RBFOX1: variants seen among roughly 807,000 people sequenced by gnomAD.
The protein encoded by RBFOX1 is RNA binding protein fox-1 homolog 1.
RBFOX1 carries 8 observed loss-of-function variants against 57.7 expected under a neutral mutation model. The ratio of observed to expected loss-of-function variants is 0.14; its 90% CI spans 0.08 to 0.25. The LOEUF (loss-of-function observed/expected upper bound fraction) is 0.25. RBFOX1 is among the 10% of genes least tolerant of loss of function. The probability of loss-of-function intolerance (pLI) is 1.00; values close to 1 mark genes in which losing one functional copy is unlikely to be tolerated. For synonymous variants in RBFOX1, 326 were observed against 222.4 expected (o/e 1.47, Z -4.15); for missense variants, 611 against 548.5 (o/e 1.11, Z -1.14).
At position 6,701,135 on chromosome 16, in the gene RBFOX1, A is replaced by ACGTGTGTGTGTGTGTGTG. The variant is rs1555706825; in HGVS notation, c.-16+46485_-16+46486insCGTGTGTGTGTGTGTGTG. ...AGTTTATCAGTGTCTCTGTGTGTGT[A>ACGTGTGTGTGTGTGTGTG]TGTGTGTGTGTGTGTGTGTGTGTTT... On this transcript the variant is annotated intron_variant, in intron 3 of 15. Coordinates refer to ENST00000550418, the MANE Select transcript of RBFOX1 (RefSeq NM_018723.4). Among the ~76,000 whole-genome samples the ACGTGTGTGTGTGTGTGTG allele has an allele frequency of 5.4e-5, 8 of 149,216 alleles. No homozygotes were observed. In the East Asian group the frequency reaches 6.0e-4, roughly 11 times the overall value.
chr16:7,124,391 G>C (rs1323657573), intron 4 of RBFOX1, among the ~76,000 whole-genome samples: 1 of 152,164 alleles, frequency 6.6e-6, no homozygotes, highest in Non-Finnish European at 1.5e-5. Context: ...GCTAGCCCAG[G>C]TGACAGAATG....
chr16:6,707,564 G>A (rs1161272101), intron 3 of RBFOX1, among the ~76,000 whole-genome samples: 2 of 141,822 alleles, frequency 1.4e-5, no homozygotes, highest in Non-Finnish European at 3.0e-5. Context: ...GATTTCCTTA[G>A]AATCAACCCC....
chr16:7,002,758 G>A (rs1024295067), intron 3 of RBFOX1, among the ~76,000 whole-genome samples: 2 of 152,098 alleles, frequency 1.3e-5, no homozygotes, highest in Non-Finnish European at 1.5e-5. Flanking sequence ...GCACTAAGTG[G>A]CTTAAAATAC....
intron 4 of RBFOX1, among the ~76,000 whole-genome samples, chr16:5,948,229 G>T (rs1180876302): frequency 6.6e-6 from 1 of 152,134 alleles, no homozygotes; most frequent in Non-Finnish European, 1.5e-5. Context: ...TGACCGAGCT[G>T]GGCAGGTGGG....
At chr16:6,335,897 C>T (rs1415951577) in intron 2 of RBFOX1, among the ~76,000 whole-genome samples, 2 of 150,282 alleles carry the variant, frequency 1.3e-5, no homozygotes, top group African/African-American at 2.4e-5. Flanking sequence ...TCCATATGTC[C>T]ATCATTGTTC....
rs139547024 is a variant in RBFOX1, at chr16:6,486,218, C to T, written c.-63-168385C>T. ...CTTTTGTTTTGAGAATCCAGGTACA[C>T]ACTCCTCATTGTTGTCTTTGATTTG... On this transcript the variant is annotated intron_variant, in intron 2 of 15. Coordinates refer to ENST00000550418, the MANE Select transcript of RBFOX1 (RefSeq NM_018723.4). 4.3e-3 allele frequency among the ~76,000 whole-genome samples: 652 copies of T among 150,850 alleles called. 4 individuals carry two copies. Among genetic ancestry groups the T allele is most frequent in the African/African-American group, 0.015 (614 of 41,088 alleles).
chr16:6,966,907 C>CCATG (rs2084360830), intron 3 of RBFOX1, among the ~76,000 whole-genome samples: 1 of 151,162 alleles, frequency 6.6e-6, no homozygotes, highest in African/African-American at 2.5e-5. Flanking sequence ...ATCCATCCAT[C>CCATG]CATCCATCCA....
chr16:5,670,323 T>C (rs2049979883), intron 3 of RBFOX1, among the ~76,000 whole-genome samples: 1 of 152,198 alleles, frequency 6.6e-6, no homozygotes, highest in Admixed American at 6.5e-5. Context: ...TTATATGCAT[T>C]TCACCACAGT....
intron 2 of RBFOX1, among the ~76,000 whole-genome samples, chr16:5,469,591 C>G (rs974713798): frequency 6.6e-6 from 1 of 152,136 alleles, no homozygotes; most frequent in African/African-American, 2.4e-5. Context: ...GCGGTGCCAC[C>G]ATACCTTCAT....
intron 4 of RBFOX1, among the ~76,000 whole-genome samples, chr16:7,487,546 C>G (rs1392218282): frequency 6.6e-6 from 1 of 152,156 alleles, no homozygotes; most frequent in African/African-American, 2.4e-5. Context: ...GTGGGAATGT[C>G]TTTCCATGTT....
intron 2 of RBFOX1, among the ~76,000 whole-genome samples, chr16:5,585,827 G>T (rs528631192): frequency 1.6e-3 from 244 of 152,310 alleles, no homozygotes; most frequent in Non-Finnish European, 3.0e-3. Context: ...AACCTGATTC[G>T]TGTGAAGTAG....
chr16:7,144,417 CTT>C (rs1190886141), intron 4 of RBFOX1, among the ~76,000 whole-genome samples: 19 of 66,926 alleles, frequency 2.8e-4, no homozygotes, highest in Non-Finnish European at 4.2e-4. Context: ...TTTCTTTCTT[CTT>C]TTTTTTTTTT....
chr16:7,480,507 C>G (rs1032886654), intron 4 of RBFOX1, among the ~76,000 whole-genome samples: 1 of 152,200 alleles, frequency 6.6e-6, no homozygotes, highest in Admixed American at 6.5e-5. Context: ...CTAATTGTCA[C>G]CGGCTCCGTT....
Position 7,312,872 on chromosome 16 carries a change from G to A in RBFOX1, c.28-205275G>A, listed in dbSNP as rs1302778520. On this transcript the variant is annotated intron_variant, in intron 4 of 15. Transcript: ENST00000550418. ...TATGGCGGGGCCCTGCTAAAGTGTA[G>A]ATCGTCACCCAGGAGAGTCTGGGAG... Among the ~76,000 whole-genome samples, 2 of 151,914 alleles carry A rather than the reference G, an allele frequency of 1.3e-5. 1 individual carries two copies. The highest frequency in any genetic ancestry group is 4.8e-5 in the African/African-American group (2 of 41,368).
At chr16:6,709,306 G>A (rs1418375421) in intron 3 of RBFOX1, among the ~76,000 whole-genome samples, 1 of 152,092 alleles carries the variant, frequency 6.6e-6, no homozygotes, top group East Asian at 1.9e-4. Flanking sequence ...TGAAAGGCAA[G>A]GAGCTAAATT....
At chr16:7,320,895 G>C (rs1337382900) in intron 4 of RBFOX1, among the ~76,000 whole-genome samples, 2 of 152,182 alleles carry the variant, frequency 1.3e-5, no homozygotes, top group East Asian at 1.9e-4. Flanking sequence ...GAAAGTTTAA[G>C]TAACTTGCCC....
chr16:5,599,026 C>T (rs1352726255), exon 3 of RBFOX1: 1 of 1,331,012 alleles, frequency 7.5e-7, no homozygotes, highest in Non-Finnish European at 1.0e-6. Context: ...TTTTCAGCCT[C>T]TTTGGTCTCC....
intron 2 of RBFOX1, among the ~76,000 whole-genome samples, chr16:5,581,106 G>C (rs1359538701): frequency 6.6e-6 from 1 of 152,186 alleles, no homozygotes; most frequent in Non-Finnish European, 1.5e-5. Flanking sequence ...CACCATTGTA[G>C]ATGGCACTTG....
chr16:6,439,115 G>C (rs2094311509), intron 2 of RBFOX1, among the ~76,000 whole-genome samples: 1 of 152,196 alleles, frequency 6.6e-6, no homozygotes, highest in East Asian at 1.9e-4. Context: ...TGCACTCAAG[G>C]GCAGCTGGAT....
Sources: gnomAD v4.1 joint callset for allele counts (sites outside exome capture counted in the v4.1 genomes callset) on GRCh38, gnomAD v4.1.1 for gene constraint, MANE v1.5 for transcripts, NCBI Gene and HGNC (gene_info 2026-07-23, HGNC 2026-07-21) for gene names.